TMPRSS15: variants seen among roughly 807,000 people sequenced by gnomAD.
TMPRSS15 encodes the protein enteropeptidase.
TMPRSS15 carries 128 observed loss-of-function variants against 125.3 expected under a neutral mutation model. The ratio of observed to expected loss-of-function variants is 1.02; its 90% CI spans 0.89 to 1.18. The LOEUF is 1.18. Ranked by LOEUF, TMPRSS15 falls within the 50% of genes most tolerant of loss-of-function variation. The pLI, the probability that TMPRSS15 is intolerant of heterozygous loss-of-function variation, is 0.00. For synonymous variants in TMPRSS15, 446 were observed against 423.2 expected (o/e 1.05, Z -0.66); for missense variants, 1,283 against 1,212.7 (o/e 1.06, Z -0.86).
chr21:18,282,485 A>T, intron 21 of TMPRSS15, among the ~76,000 whole-genome samples: 1 of 152,158 alleles, frequency 6.6e-6, no homozygotes, highest in Non-Finnish European at 1.5e-5. Context: ...TCACTTCCAG[A>T]TGTATAAAGG....
At chr21:18,453,689 A>T (rs766071003) in intron 1 of TMPRSS15, among the ~76,000 whole-genome samples, 1 of 152,244 alleles carries the variant, frequency 6.6e-6, no homozygotes, top group Non-Finnish European at 1.5e-5. Flanking sequence ...TCTCTAAGAG[A>T]TATCTGCACT....
chr21:18,454,308 G>C (rs1371824466), intron 1 of TMPRSS15, among the ~76,000 whole-genome samples: 1 of 152,016 alleles, frequency 6.6e-6, no homozygotes, highest in Non-Finnish European at 1.5e-5. Context: ...CTTCCATAAG[G>C]ATTCCAACTA....
At chr21:18,404,735 T>A (rs1187315558), upstream of TMPRSS15, among the ~76,000 whole-genome samples, 1 of 152,118 alleles carries the variant, frequency 6.6e-6, no homozygotes, top group Non-Finnish European at 1.5e-5. Flanking sequence ...ACTGAAATTG[T>A]GGCATATTAT....
At chr21:18,273,841 C>G (rs747205372) in intron 24 of TMPRSS15, among the ~76,000 whole-genome samples, 15 of 152,126 alleles carry the variant, frequency 9.9e-5, no homozygotes, top group Non-Finnish European at 2.1e-4. Context: ...AAGCATTTAT[C>G]AAAGCAGAAT....
At position 18,383,624 on chromosome 21, in the gene TMPRSS15, TA is replaced by T; in HGVS notation, c.496+2del. The stretch of plus-strand genomic sequence containing the variant: ...AAAGAAATCAAATAATGTTCACACA[TA>T]CCTAGGATATCAACGCTGTTCAAAT... On this transcript the variant is annotated splice_donor_variant, in intron 4 of 24. Transcript: ENST00000284885. LOFTEE classifies it high-confidence loss of function. The T allele has an allele frequency of 1.2e-6, 2 of 1,613,470 alleles. No individual in the cohort carries two copies. The highest frequency in any genetic ancestry group is 1.7e-6 in the Non-Finnish European group (2 of 1,179,828).
chr21:18,333,961 C>G (rs760746436), intron 13 of TMPRSS15, among the ~76,000 whole-genome samples: 6 of 152,136 alleles, frequency 3.9e-5, no homozygotes, highest in Non-Finnish European at 8.8e-5. Flanking sequence ...TTGAAGAATG[C>G]AGAAAACTGG....
chr21:18,372,291 C>T lies in TMPRSS15; in HGVS notation c.566G>A (p.Ser189Asn). The T allele has an allele frequency of 6.2e-7, 1 of 1,613,394 alleles. No individual in the cohort carries two copies. Among genetic ancestry groups the T allele is most frequent in the South Asian group, 1.1e-5 (1 of 91,060 alleles). Residue 189 changes from serine (S) to asparagine (N), a missense_variant, in exon 6 of 25, where the codon AGT becomes AAT. Ser to Asn is a conservative substitution (Grantham distance 46). Coordinates refer to ENST00000284885, the MANE Select transcript of TMPRSS15 (RefSeq NM_002772.3). ...NVSIECLPGS[S>N]PCTDALTCIK... ...ACACGTTAGAGCATCAGTACAAGGACTTGAACCAGGCAGGCACTCTATTGA... is the reference window on the plus strand; with the variant it reads ...ACACGTTAGAGCATCAGTACAAGGATTTGAACCAGGCAGGCACTCTATTGA...
rs1250348607 is a variant in TMPRSS15 at position 18,275,072 on chromosome 21, AAC to A, written c.2904+123_2904+124del. The A allele has an allele frequency of 6.1e-6, 8 of 1,320,420 alleles. No homozygotes were observed. The African/African-American group carries it at 1.0e-4, about 17-fold the overall frequency. 81.8% of individuals were successfully genotyped at this position (1,320,420 alleles called of 1,614,324 possible). A position where few individuals can be genotyped will look rare whatever the true frequency, so the allele number is the denominator to read the frequency against. On this transcript the variant is annotated intron_variant, in intron 24 of 24. Coordinates refer to ENST00000284885, the MANE Select transcript of TMPRSS15 (RefSeq NM_002772.3). ...AGGATTACGCAAATAGGCAAAAAGT[AAC>A]AGTTTTGTAAAAGAGAAATGAAAGA...
At chr21:18,277,802 C>A (rs892065417) in intron 23 of TMPRSS15, among the ~76,000 whole-genome samples, 1 of 152,148 alleles carries the variant, frequency 6.6e-6, no homozygotes, top group Non-Finnish European at 1.5e-5. Flanking sequence ...CTGCAGGGAT[C>A]AGGTTCTCTT....
chr21:18,405,582 A>G (rs2076146814), upstream of TMPRSS15, among the ~76,000 whole-genome samples: 1 of 152,152 alleles, frequency 6.6e-6, no homozygotes, highest in Admixed American at 6.5e-5. Flanking sequence ...TTAAGTGCCC[A>G]TAAGTGTGAT....
chr21:18,469,193 G>T (rs933172280), intron 1 of TMPRSS15, among the ~76,000 whole-genome samples: 6 of 152,090 alleles, frequency 3.9e-5, no homozygotes, highest in Non-Finnish European at 5.9e-5. Flanking sequence ...GTATATTATA[G>T]AATTCTTTTG....
At chr21:18,315,723 A>G (rs1190600406) in intron 16 of TMPRSS15, among the ~76,000 whole-genome samples, 1 of 108,904 alleles carries the variant, frequency 9.2e-6, no homozygotes, top group Non-Finnish European at 2.0e-5. Context: ...CTCAAGGTGG[A>G]GCTAGCTTTG....
chr21:18,337,101 C>T (rs367874299), intron 13 of TMPRSS15, among the ~76,000 whole-genome samples: 272 of 152,288 alleles, frequency 1.8e-3, no homozygotes, highest in Non-Finnish European at 2.7e-3. Context: ...GCCATGTTGG[C>T]GAGGCTGGTC....
intron 4 of TMPRSS15, among the ~76,000 whole-genome samples, chr21:18,380,096 C>A (rs1256142929): frequency 6.6e-6 from 1 of 151,616 alleles, no homozygotes; most frequent in African/African-American, 2.4e-5. Context: ...CTTTATCTCA[C>A]CCTTAGTGAC....
intron 7 of TMPRSS15, 28 bp downstream of exon 7, chr21:18,365,112 G>T: frequency 6.3e-7 from 1 of 1,580,804 alleles, no homozygotes; most frequent in East Asian, 2.2e-5. Context: ...TATGACTTAA[G>T]AACAGAAAAT....
intron 1 of TMPRSS15, among the ~76,000 whole-genome samples, chr21:18,467,431 G>A (rs1239872672): frequency 6.8e-6 from 1 of 146,816 alleles, no homozygotes; most frequent in African/African-American, 2.7e-5. Flanking sequence ...AATAAACTAA[G>A]TTCCTACTTG....
chr21:18,294,708 A>T, intron 19 of TMPRSS15, 56 bp from the exon 20 acceptor site: 4 of 1,457,086 alleles, frequency 2.7e-6, no homozygotes, highest in Non-Finnish European at 3.9e-6. Context: ...TTTTCAAGTC[A>T]AACATCATAT....
intron 16 of TMPRSS15, among the ~76,000 whole-genome samples, chr21:18,318,014 T>C (rs77420394): frequency 0.023 from 3,500 of 152,202 alleles, 65 homozygotes; most frequent in Non-Finnish European, 0.033. Flanking sequence ...CAGGATAAAC[T>C]GAAGTATACT....
In TMPRSS15 at chr21:18,281,069, A is replaced by T; in HGVS notation, c.2639T>A (p.Met880Lys). The change falls in exon 22 of 25, where the codon ATG becomes AAG. Residue 880 changes from methionine to lysine, a missense_variant. By Grantham distance (95) the Met-to-Lys change is moderately conservative (BLOSUM62 -1). Coordinates refer to ENST00000284885, the MANE Select transcript of TMPRSS15 (RefSeq NM_002772.3). ...GTAATTCACTTTAAATTCCAGATGC[A>T]TCATGGCAATGTCGTTGTCCTTTCT... ...RRRKDNDIAM[M>K]HLEFKVNYTD... The T allele has an allele frequency of 1.2e-6, 2 of 1,613,896 alleles. No homozygotes were observed. The highest frequency in any genetic ancestry group is 1.7e-6 in the Non-Finnish European group (2 of 1,180,000).
Sources: allele counts gnomAD v4.1 joint callset (sites outside exome capture counted in the v4.1 genomes callset), GRCh38; gene constraint gnomAD v4.1.1; transcripts MANE v1.5; gene names NCBI Gene and HGNC (gene_info 2026-07-23, HGNC 2026-07-21).